SLC5A4: variants seen among roughly 807,000 people sequenced by gnomAD.
SLC5A4 encodes probable glucose sensor protein SLC5A4.
A neutral mutation model predicts 70.3 loss-of-function variants in SLC5A4; 55 were observed. The observed-to-expected ratio is 0.78, with a 90% CI of 0.63 to 0.98. The LOEUF is 0.98. Among genes scored for constraint, SLC5A4 ranks in the 50% least tolerant of loss-of-function variants. The pLI is 0.00. For synonymous variants in SLC5A4, 268 were observed against 305.7 expected, an observed-to-expected ratio of 0.88 and a Z score of 1.29; for missense variants, 735 against 839.2, an observed-to-expected ratio of 0.88 and a Z score of 1.53.
At chr22:32,257,902 G>T (rs112537448), upstream of SLC5A4, among the ~76,000 whole-genome samples, 1,356 of 149,704 alleles carry the variant, frequency 9.1e-3, 20 homozygotes, top group African/African-American at 0.03. Context: ...ACTCCTGACC[G>T]CAGGTAATTC....
At chr22:32,302,001 CTAAATG>C in the SLC5A4 span, among the ~76,000 whole-genome samples, 16 of 152,052 alleles carry the variant, frequency 1.1e-4, no homozygotes, top group Non-Finnish European at 2.1e-4. Context: ...GATCAAAGAC[CTAAATG>C]TAAGAGCTAA....
chr22:32,259,129 T>C (rs1927625195), upstream of SLC5A4, among the ~76,000 whole-genome samples: 1 of 152,214 alleles, frequency 6.6e-6, no homozygotes, highest in South Asian at 2.1e-4. Flanking sequence ...ACAAGATGAA[T>C]CAGTGGCAGA....
the SLC5A4 span, among the ~76,000 whole-genome samples, chr22:32,279,609 G>A: frequency 6.6e-6 from 1 of 152,174 alleles, no homozygotes; most frequent in Non-Finnish European, 1.5e-5. Flanking sequence ...TGGCCAACAC[G>A]GTGAAACACT....
the SLC5A4 span, among the ~76,000 whole-genome samples, chr22:32,309,436 G>A: frequency 6.6e-6 from 1 of 152,148 alleles, no homozygotes; most frequent in Admixed American, 6.5e-5. Context: ...AAAAGTAAGA[G>A]TAGGCAGCTT....
intron 3 of SLC5A4, among the ~76,000 whole-genome samples, chr22:32,251,416 G>A (rs1490269846): frequency 6.6e-6 from 1 of 151,806 alleles, no homozygotes; most frequent in Non-Finnish European, 1.5e-5. Context: ...GTAGGAGTGG[G>A]TTCCTGATTT....
chr22:32,308,257 A>T, the SLC5A4 span, among the ~76,000 whole-genome samples: 28 of 152,372 alleles, frequency 1.8e-4, no homozygotes, highest in Admixed American at 7.8e-4. Context: ...AAGTTGAAAA[A>T]TTAAAATAAG....
chr22:32,241,803 G>GTGTGTATA (rs1474263077), intron 5 of SLC5A4, among the ~76,000 whole-genome samples: 1 of 147,914 alleles, frequency 6.8e-6, no homozygotes, highest in African/African-American at 2.6e-5. Flanking sequence ...GTGTGTGTGT[G>GTGTGTATA]TATATATATC....
At chr22:32,298,798 G>T in the SLC5A4 span, among the ~76,000 whole-genome samples, 1 of 115,552 alleles carries the variant, frequency 8.7e-6, no homozygotes, top group Non-Finnish European at 1.8e-5. Flanking sequence ...GGTACTGGTT[G>T]TTCCTTTCCA....
chr22:32,313,898 A>ACTGGGTTCTGGTGGCAGCC, the SLC5A4 span, among the ~76,000 whole-genome samples: 1 of 152,198 alleles, frequency 6.6e-6, no homozygotes, highest in African/African-American at 2.4e-5. Context: ...GCAGGGAGAA[A>ACTGGGTTCTGGTGGCAGCC]CTGGGTTCTG....
the SLC5A4 span, among the ~76,000 whole-genome samples, chr22:32,318,231 A>AT: frequency 0.082 from 11,895 of 144,654 alleles, 645 homozygotes; most frequent in Admixed American, 0.17. Flanking sequence ...GCATATGTTG[A>AT]TTTTTTTTTT....
the SLC5A4 span, among the ~76,000 whole-genome samples, chr22:32,288,014 TTTC>T: frequency 1.4e-3 from 201 of 143,954 alleles, no homozygotes; most frequent in African/African-American, 3.7e-3. Context: ...AATTTCTTTC[TTTC>T]TTTTTTTTTT....
chr22:32,329,165 G>GGGA, the SLC5A4 span, among the ~76,000 whole-genome samples: 1 of 152,180 alleles, frequency 6.6e-6, no homozygotes, highest in Non-Finnish European at 1.5e-5. Context: ...AGAGTTGTTG[G>GGGA]GAGGCAACTG....
At chr22:32,275,579 G>T in the SLC5A4 span, among the ~76,000 whole-genome samples, 1 of 152,136 alleles carries the variant, frequency 6.6e-6, no homozygotes, top group African/African-American at 2.4e-5. Flanking sequence ...GGTATTCCAT[G>T]GTGTATATGT....
the SLC5A4 span, among the ~76,000 whole-genome samples, chr22:32,313,665 C>T: frequency 6.6e-6 from 1 of 152,164 alleles, no homozygotes; most frequent in Non-Finnish European, 1.5e-5. Flanking sequence ...CTGTGGCAGG[C>T]AGCATGAACC....
chr22:32,340,246 G>A, the SLC5A4 span, among the ~76,000 whole-genome samples: 2 of 152,202 alleles, frequency 1.3e-5, no homozygotes, highest in Non-Finnish European at 2.9e-5. Context: ...AGCTCAGTGA[G>A]CCCTCAACAA....
the SLC5A4 span, among the ~76,000 whole-genome samples, chr22:32,279,911 G>A: frequency 2.6e-5 from 4 of 152,160 alleles, no homozygotes; most frequent in South Asian, 2.1e-4. Flanking sequence ...AAGGTGGGGA[G>A]GTGACCTGGG....
the SLC5A4 span, chr22:32,270,096 T>C: frequency 2.0e-6 from 1 of 511,684 alleles, no homozygotes; most frequent in Non-Finnish European, 3.7e-6. Context: ...CATGGCCAGC[T>C]GGTCAGCCAG....
chr22:32,239,735 T>C (rs1356893857), intron 5 of SLC5A4, among the ~76,000 whole-genome samples: 1 of 147,156 alleles, frequency 6.8e-6, no homozygotes, highest in Non-Finnish European at 1.5e-5. Flanking sequence ...AGAAAGTATG[T>C]ACCAAACGGC....
chr22:32,327,691 C>G, the SLC5A4 span, among the ~76,000 whole-genome samples: 2 of 152,178 alleles, frequency 1.3e-5, 1 homozygote, highest in South Asian at 4.1e-4. Flanking sequence ...GACTCACCTT[C>G]CCATCCCCTG....
Sources: gnomAD v4.1 joint callset for allele counts (sites outside exome capture counted in the v4.1 genomes callset) on GRCh38, gnomAD v4.1.1 for gene constraint, MANE v1.5 for transcripts, NCBI Gene and HGNC (gene_info 2026-07-23, HGNC 2026-07-21) for gene names.